Variants in ANKZF1 observed in about 807,000 individuals in gnomAD.
ANKZF1 encodes tRNA endonuclease ANKZF1.
A neutral mutation model predicts 86.0 loss-of-function variants in ANKZF1; 84 were observed. That is an observed-to-expected ratio of 0.98 (90% confidence interval 0.82 to 1.17). The LOEUF (loss-of-function observed/expected upper bound fraction) is 1.17. ANKZF1 is among the 50% of genes most tolerant of loss of function. The probability of loss-of-function intolerance (pLI) is 0.00; values close to 1 mark genes in which losing one functional copy is unlikely to be tolerated. For missense variants in ANKZF1, 893 were observed against 918.4 expected, an observed-to-expected ratio of 0.97 and a Z score of 0.36; for synonymous variants, 331 against 354.2, an observed-to-expected ratio of 0.93 and a Z score of 0.74.
rs753229616 is a variant in ANKZF1, at chr2:219,236,427, A to T, written c.2163A>T (p.Ala721=). ...TRCLQDHRRQ[A]GRPSS is the part of the protein sequence containing the mutation. ...GCCTCCAGGATCATCGCCGTCAGGC[A>T]GGGAGGCCCTCTTCCTGATCTCTTA... is the stretch of plus-strand genomic sequence containing the variant. The change falls in exon 14 of 14, where the codon GCA becomes GCT. Residue 721 remains alanine (A), a synonymous_variant. Coordinates refer to ENST00000323348, the MANE Select transcript of ANKZF1 (RefSeq NM_018089.3). The T allele has an allele frequency of 6.2e-7, 1 of 1,607,752 alleles. No homozygotes were observed. The highest frequency in any genetic ancestry group is 8.5e-7 in the Non-Finnish European group (1 of 1,176,330).
intron 9 of ANKZF1, 138 bp downstream of exon 9, chr2:219,234,426 A>G: frequency 1.8e-6 from 2 of 1,088,390 alleles, no homozygotes; most frequent in Non-Finnish European, 2.8e-6. Flanking sequence ...TTACTGAGAC[A>G]TGTTTAGTGA....
Position 219,235,541 on chromosome 2 carries a change from T to A in ANKZF1, c.1759T>A (p.Phe587Ile). ...ATCAACACGTAATGAGTTCCGAAGG[T>A]TCATGGAGAAGAATCCAGATGCCTA... is the stretch of plus-strand genomic sequence containing the variant. The part of the protein sequence containing the change: ...DKSTRNEFRR[F>I]MEKNPDAYDY... The change falls in exon 11 of 14, where the codon TTC becomes ATC. Residue 587 changes from phenylalanine to isoleucine, a missense_variant. Phe to Ile is a conservative substitution (Grantham distance 21). Transcript: ENST00000323348. 6.2e-7 allele frequency: 1 copy of A among 1,613,650 alleles called. No homozygotes were observed. Among genetic ancestry groups the A allele is most frequent in the East Asian group, 2.2e-5 (1 of 44,834 alleles).
chr2:219,234,849 G>C lies in ANKZF1; in HGVS notation c.1228G>C (p.Gly410Arg), dbSNP rs766934677. The change falls in exon 10 of 14, where the codon GGC becomes CGC. Residue 410 changes from glycine to arginine, a missense_variant. By Grantham distance (125) the Gly-to-Arg change is moderately radical (BLOSUM62 -2). Transcript: ENST00000323348. Reference protein sequence around the residue: ...KQGSGSEGEDGFQVELELVEL... With the variant: ...KQGSGSEGEDRFQVELELVEL... ...AGGTTCAGGGTCGGAGGGAGAAGAT[G>C]GCTTTCAGGTAGAGTTGGAGCTAGT... 1 of 1,612,492 alleles carries C rather than the reference G, an allele frequency of 6.2e-7. No homozygotes were observed.
rs2106461127 is a variant in ANKZF1 at position 219,233,287 on chromosome 2, A to G, written c.673A>G (p.Arg225Gly). The change falls in exon 7 of 14, where the codon AGA (arginine) becomes GGA (glycine). Residue 225 changes from arginine (R) to glycine (G), a missense_variant and splice_region_variant. Physicochemically the swap from Arg to Gly is moderately radical, Grantham distance 125. Transcript: ENST00000323348. ...GTACTGAGTCTGTGCTGTCTACAGA[A>G]GAGAAGTGGTGACACACAAAACTTT... is the stretch of plus-strand genomic sequence containing the variant. ...GHFAGAIFQG[R>G]EVVTHKTFHR... 1.2e-6 allele frequency: 2 copies of G among 1,614,208 alleles called. No individual in the cohort carries two copies. The highest frequency in any genetic ancestry group is 1.7e-6 in the Non-Finnish European group (2 of 1,180,050).
intron 2 of ANKZF1, 73 bp downstream of exon 2, chr2:219,230,478 T>G (rs1237668848): frequency 1.3e-6 from 2 of 1,501,578 alleles, no homozygotes; most frequent in East Asian, 4.8e-5. Flanking sequence ...GAACACATTC[T>G]TATTGGTATT....
chr2:219,230,558 C>T, intron 2 of ANKZF1, 153 bp downstream of exon 2: 1 of 1,004,762 alleles, frequency 1.0e-6, no homozygotes, highest in East Asian at 3.0e-5. Flanking sequence ...GGGTAATGTC[C>T]AGCACAGCCC....
chr2:219,232,698 A>G lies in ANKZF1; in HGVS notation c.558+15A>G. Reference sequence around the variant, plus strand: ...GCCCTCATCAGGCAAGTGACAGTACAGGTTGCATGGCTAACCCCAGCCTTT... The same window carrying G: ...GCCCTCATCAGGCAAGTGACAGTACGGGTTGCATGGCTAACCCCAGCCTTT... On this transcript the variant is annotated intron_variant, in intron 5 of 13. Transcript: ENST00000323348. The G allele has an allele frequency of 6.2e-7, 1 of 1,610,042 alleles. No individual in the cohort carries two copies. The highest frequency in any genetic ancestry group is 8.5e-7 in the Non-Finnish European group (1 of 1,178,114).
chr2:219,235,053 C>G lies in ANKZF1; in HGVS notation c.1432C>G (p.Pro478Ala). The G allele has an allele frequency of 2.5e-6, 4 of 1,614,242 alleles. No individual in the cohort carries two copies. The highest frequency in any genetic ancestry group is 3.4e-6 in the Non-Finnish European group (4 of 1,180,050). Reference protein sequence around the residue: ...STQSSQAVAAPLGPLLDEAKA... With the variant: ...STQSSQAVAAALGPLLDEAKA... ...ACAGTCATCCCAGGCAGTTGCTGCCCCCTTGGGCCCTTTGCTGGATGAGGC... is the reference window on the plus strand; with the variant it reads ...ACAGTCATCCCAGGCAGTTGCTGCCGCCTTGGGCCCTTTGCTGGATGAGGC... Residue 478 changes from proline to alanine, a missense_variant, in exon 10 of 14, where the codon CCC becomes GCC. Physicochemically the swap from Pro to Ala is conservative, Grantham distance 27. Coordinates refer to ENST00000323348, the MANE Select transcript of ANKZF1 (RefSeq NM_018089.3).
intron 9 of ANKZF1, 96 bp from the exon 10 acceptor site, chr2:219,234,725 CAAAAT>C (rs1232138519): frequency 5.5e-6 from 8 of 1,455,878 alleles, no homozygotes; most frequent in African/African-American, 4.3e-5. Flanking sequence ...ATCTGGGTGA[CAAAAT>C]AAAAACAATT....
intron 7 of ANKZF1, 102 bp from the exon 8 acceptor site, chr2:219,233,613 C>A: frequency 2.8e-6 from 4 of 1,423,352 alleles, no homozygotes; most frequent in East Asian, 2.3e-5. Context: ...CCGTGTTATC[C>A]TCTACTTTCC....
chr2:219,230,011 C>T (rs1316416996), intron 1 of ANKZF1, 111 bp downstream of exon 1: 2 of 428,296 alleles, frequency 4.7e-6, no homozygotes, highest in Non-Finnish European at 8.4e-6. Flanking sequence ...CTCTGTTGGA[C>T]TCGATTTGGG....
rs764418423 is a variant in ANKZF1 at position 219,233,321 on chromosome 2, A to G, written c.707A>G (p.Tyr236Cys). The G allele has an allele frequency of 1.9e-6, 3 of 1,614,242 alleles. No individual in the cohort carries two copies. Among genetic ancestry groups the G allele is most frequent in the Non-Finnish European group, 1.7e-6 (2 of 1,180,046 alleles). Reference protein sequence around the residue: ...EVVTHKTFHRYTVRAKRGTAQ... With the variant: ...EVVTHKTFHRCTVRAKRGTAQ... Reference sequence around the variant, plus strand: ...GTGACACACAAAACTTTTCACCGCTATACGGTTCGGGCCAAGCGGGGCACA... The same window carrying G: ...GTGACACACAAAACTTTTCACCGCTGTACGGTTCGGGCCAAGCGGGGCACA... Residue 236 changes from tyrosine to cysteine, a missense_variant, in exon 7 of 14, where the codon TAT becomes TGT. Transcript: ENST00000323348.
In ANKZF1 at chr2:219,236,478, G is replaced by A. The variant is rs771890413; in HGVS notation, c.*33G>A. On this transcript the variant is annotated 3_prime_UTR_variant, in exon 14 of 14. Coordinates refer to ENST00000323348, the MANE Select transcript of ANKZF1 (RefSeq NM_018089.3). The stretch of plus-strand genomic sequence containing the variant: ...CAGCTCTACCTGGGGCCAACTCAGG[G>A]ACCTGAGAGGGCACATTCACAGCAG... The A allele has an allele frequency of 2.0e-6, 3 of 1,535,468 alleles. No homozygotes were observed. Among genetic ancestry groups the A allele is most frequent in the Non-Finnish European group, 2.6e-6 (3 of 1,142,958 alleles).
At position 219,236,143 on chromosome 2, in the gene ANKZF1, A is replaced by T. The variant is rs779110850; in HGVS notation, c.2057+48A>T. The T allele has an allele frequency of 4.3e-6, 7 of 1,610,822 alleles. No homozygotes were observed. The South Asian group carries it at 7.7e-5, about 18-fold the overall frequency. On this transcript the variant is annotated intron_variant, in intron 13 of 13. Transcript: ENST00000323348. ...GTGGGTGGACTGTAATGTTGCAGGG[A>T]CCATTGGGGGCAAGAGAAATGAGTA...
In ANKZF1 at chr2:219,236,370, C is replaced by A. The variant is rs754378038; in HGVS notation, c.2106C>A (p.His702Gln). ...GASLQGLTPF[H>Q]YLDFSFCSTR... ...CCCTCCAAGGCCTGACTCCCTTTCA[C>A]TACCTCGACTTCTCTTTCTGCTCCA... The change falls in exon 14 of 14, where the codon CAC becomes CAA. Residue 702 changes from histidine to glutamine, a missense_variant. By Grantham distance (24) the His-to-Gln change is conservative. Transcript: ENST00000323348. 2 of 1,614,158 alleles carry A rather than the reference C, an allele frequency of 1.2e-6. No homozygotes were observed. Among genetic ancestry groups the A allele is most frequent in the South Asian group, 1.1e-5 (1 of 91,084 alleles).
chr2:219,232,800 C>CA, intron 5 of ANKZF1, 117 bp downstream of exon 5: 3 of 1,138,416 alleles, frequency 2.6e-6, no homozygotes, highest in Non-Finnish European at 3.7e-6. Context: ...TTGTGGGTAT[C>CA]ACGCTTGACA....
At position 219,235,511 on chromosome 2, in the gene ANKZF1, G is replaced by A. The variant is rs760459753; in HGVS notation, c.1729G>A (p.Asp577Asn). The change falls in exon 11 of 14, where the codon GAC becomes AAC. Residue 577 changes from aspartate to asparagine, a missense_variant. Physicochemically the swap from Asp to Asn is conservative, Grantham distance 23. Transcript: ENST00000323348. ...CCGGCCACCTTATACTGTTGCGGCT[G>A]ACAAATCAACACGTAATGAGTTCCG... Reference protein sequence around the residue: ...RARPPYTVAADKSTRNEFRRF... With the variant: ...RARPPYTVAANKSTRNEFRRF... The A allele has an allele frequency of 6.2e-6, 10 of 1,614,060 alleles. No homozygotes were observed. Among genetic ancestry groups the A allele is most frequent in the Non-Finnish European group, 7.6e-6 (9 of 1,180,028 alleles).
chr2:219,234,535 CAT>C, intron 9 of ANKZF1: 3 of 644,804 alleles, frequency 4.7e-6, no homozygotes, highest in East Asian at 2.7e-5. Context: ...ATGGATCTCA[CAT>C]AGTTTATCTT....
At chr2:219,230,556 TC>T in intron 2 of ANKZF1, 151 bp downstream of exon 2, 1 of 1,044,872 alleles carries the variant, frequency 9.6e-7, no homozygotes, top group Non-Finnish European at 1.3e-6. Context: ...CTGGGTAATG[TC>T]CAGCACAGCC....
Sources: allele counts gnomAD v4.1 joint callset, GRCh38; gene constraint gnomAD v4.1.1; transcripts MANE v1.5; gene names NCBI Gene and HGNC (gene_info 2026-07-23, HGNC 2026-07-21).